GABRG1: variants seen among roughly 807,000 people sequenced by gnomAD.
GABRG1 encodes gamma-aminobutyric acid receptor subunit gamma-1.
In GABRG1, 49 loss-of-function variants were observed where a neutral mutation model predicts 49.8. The ratio of observed to expected loss-of-function variants is 0.98; its 90% CI spans 0.78 to 1.25. The LOEUF (loss-of-function observed/expected upper bound fraction) is 1.25. Among genes scored for constraint, GABRG1 ranks in the 50% most tolerant of loss-of-function variants. The pLI is 0.00. For synonymous variants in GABRG1, 232 were observed against 185.1 expected, an observed-to-expected ratio of 1.25 and a Z score of -2.06; for missense variants, 552 against 552.3, an observed-to-expected ratio of 1.00 and a Z score of 0.01.
intron 1 of GABRG1, among the ~76,000 whole-genome samples, chr4:46,123,057 G>A (rs1442922532): frequency 2.0e-5 from 3 of 146,980 alleles, no homozygotes; most frequent in South Asian, 2.2e-4. Flanking sequence ...ATTTGTGATC[G>A]GTGACACTTT....
chr4:46,038,955 T>G lies in GABRG1; in HGVS notation c.*2033A>C, dbSNP rs1211770998. 6.6e-6 allele frequency: 1 copy of G among 151,678 alleles called. No homozygotes were observed. The highest frequency in any genetic ancestry group is 2.4e-5 in the African/African-American group (1 of 41,402). 9.4% of individuals were successfully genotyped at this position (151,678 alleles called of 1,614,324 possible). A position where few individuals can be genotyped will look rare whatever the true frequency, so the allele number is the denominator to read the frequency against. ...AACGTGGTTCAGAAGGAAAAGCTATTTATATCAAGCACTTTTAAGTATTTT... is the reference window on the plus strand; with the variant it reads ...AACGTGGTTCAGAAGGAAAAGCTATGTATATCAAGCACTTTTAAGTATTTT... On this transcript the variant is annotated 3_prime_UTR_variant, in exon 9 of 9. Transcript: ENST00000295452.
In GABRG1 at chr4:46,092,048, CAG is replaced by C. The variant is rs1480643376; in HGVS notation, c.253+5151_253+5152del. On this transcript the variant is annotated intron_variant, in intron 2 of 8. Transcript: ENST00000295452. ...TTTATGAAGTTTGGAAAGGAAATAACAGGGTTTCCATATCGATTGGAAATATT... is the reference window on the plus strand; with the variant it reads ...TTTATGAAGTTTGGAAAGGAAATAACGGTTTCCATATCGATTGGAAATATT... Among the ~76,000 whole-genome samples, 3 of 151,914 alleles carry C rather than the reference CAG, an allele frequency of 2.0e-5. No homozygotes were observed. In the East Asian group the frequency reaches 5.8e-4, roughly 29 times the overall value.
intron 3 of GABRG1, among the ~76,000 whole-genome samples, chr4:46,068,743 G>A (rs1261744604): frequency 3.3e-5 from 5 of 152,036 alleles, no homozygotes; most frequent in Non-Finnish European, 5.9e-5. Flanking sequence ...TTGTATTAGT[G>A]TAATTTCCAG....
intron 7 of GABRG1, among the ~76,000 whole-genome samples, chr4:46,053,622 T>A (rs1180073608): frequency 6.6e-6 from 1 of 151,964 alleles, no homozygotes; most frequent in Non-Finnish European, 1.5e-5. Context: ...CCAGGTAGGT[T>A]TCCAAAGTGT....
chr4:46,118,927 G>A (rs1368542803), intron 1 of GABRG1, among the ~76,000 whole-genome samples: 3 of 151,234 alleles, frequency 2.0e-5, no homozygotes, highest in African/African-American at 4.8e-5. Flanking sequence ...TTTGTATTGG[G>A]AGAAAATCTT....
rs79855076 is a variant in GABRG1 at position 46,118,366 on chromosome 4, C to A, written c.104+5444G>T. On this transcript the variant is annotated intron_variant, in intron 1 of 8. Coordinates refer to ENST00000295452, the MANE Select transcript of GABRG1 (RefSeq NM_173536.4). ...CAGCTGAGAACATACAATATTTTCC[C>A]AGAGTTGCAACTGATGGCAACTTCT... Among the ~76,000 whole-genome samples the A allele has an allele frequency of 6.6e-3, 999 of 150,428 alleles. 44 individuals are homozygous for A. In the East Asian group the frequency reaches 0.12, roughly 19 times the overall value.
At chr4:46,083,962 T>C (rs1445962280) in intron 3 of GABRG1, 24 bp downstream of exon 3, 2 of 1,284,510 alleles carry the variant, frequency 1.6e-6, no homozygotes, top group South Asian at 1.3e-5. Context: ...GTGGCAGTTA[T>C]TATTTTTAAT....
chr4:46,046,523 A>G (rs1280187763), intron 8 of GABRG1, among the ~76,000 whole-genome samples: 2 of 152,236 alleles, frequency 1.3e-5, no homozygotes, highest in Non-Finnish European at 2.9e-5. Flanking sequence ...TATAAGAAAG[A>G]ATCTATAAGT....
At chr4:46,103,809 T>G (rs1192065178) in intron 1 of GABRG1, among the ~76,000 whole-genome samples, 1 of 151,330 alleles carries the variant, frequency 6.6e-6, no homozygotes, top group Non-Finnish European at 1.5e-5. Context: ...CTATTAGTGC[T>G]CATTTAGGTA....
rs115725016 is a variant in GABRG1 at position 46,096,598 on chromosome 4, G to A, written c.253+603C>T. Among the ~76,000 whole-genome samples the A allele has an allele frequency of 2.5e-3, 386 of 151,706 alleles. 1 individual carries two copies. Among genetic ancestry groups the A allele is most frequent in the African/African-American group, 8.9e-3 (371 of 41,494 alleles). The stretch of plus-strand genomic sequence containing the variant: ...TCTGATATTTTTCTCTAACCAGAAA[G>A]AAACCTGTTTTGAAGACTGTGTTTT... On this transcript the variant is annotated intron_variant, in intron 2 of 8. Transcript: ENST00000295452.
At chr4:46,060,400 G>A (rs1718629246) in intron 5 of GABRG1, among the ~76,000 whole-genome samples, 3 of 152,036 alleles carry the variant, frequency 2.0e-5, no homozygotes. Context: ...AAGCTTGAAG[G>A]AAATTACCAC....
At chr4:46,117,790 A>G (rs1020241915) in intron 1 of GABRG1, among the ~76,000 whole-genome samples, 4 of 139,872 alleles carry the variant, frequency 2.9e-5, no homozygotes, top group South Asian at 4.4e-4. Context: ...ACATGTATAT[A>G]CATATATACA....
intron 2 of GABRG1, among the ~76,000 whole-genome samples, chr4:46,089,067 C>T (rs1324230824): frequency 6.6e-6 from 1 of 151,864 alleles, no homozygotes; most frequent in African/African-American, 2.4e-5. Flanking sequence ...GGGTATAAAG[C>T]ACGCCAAAAG....
At chr4:46,085,163 G>T (rs1002498188) in intron 2 of GABRG1, among the ~76,000 whole-genome samples, 1 of 151,116 alleles carries the variant, frequency 6.6e-6, no homozygotes, top group East Asian at 1.9e-4. Context: ...AAAGCTGAAC[G>T]TTGTCTACAT....
chr4:46,069,168 C>T (rs1411937297), intron 3 of GABRG1, among the ~76,000 whole-genome samples: 1 of 152,002 alleles, frequency 6.6e-6, no homozygotes, highest in African/African-American at 2.4e-5. Context: ...GGAGAAACTT[C>T]ACAAAAAATT....
intron 4 of GABRG1, among the ~76,000 whole-genome samples, chr4:46,064,939 A>G (rs1718850255): frequency 6.6e-6 from 1 of 152,152 alleles, no homozygotes; most frequent in South Asian, 2.1e-4. Flanking sequence ...TGTTTAAGTC[A>G]ATGAGTTAAA....
At chr4:46,103,872 T>C (rs1720456952) in intron 1 of GABRG1, among the ~76,000 whole-genome samples, 1 of 151,446 alleles carries the variant, frequency 6.6e-6, no homozygotes, top group East Asian at 2.0e-4. Context: ...AGGTACCTTA[T>C]CAAAACTGAT....
chr4:46,114,728 A>G (rs1720832265), intron 1 of GABRG1, among the ~76,000 whole-genome samples: 1 of 151,058 alleles, frequency 6.6e-6, no homozygotes, highest in African/African-American at 2.4e-5. Context: ...AACATAACTA[A>G]AACTATAACT....
Position 46,041,247 on chromosome 4 carries a change from G to A in GABRG1, c.1139C>T (p.Pro380Leu). 11 of 1,612,074 alleles carry A rather than the reference G, an allele frequency of 6.8e-6. No homozygotes were observed. Among genetic ancestry groups the A allele is most frequent in the Non-Finnish European group, 8.5e-6 (10 of 1,178,842 alleles). ...CAGAGTGGATCCAGGATGGAGACCAGGAGTCATCTGAGCACAATAATAAAT... is the reference window on the plus strand; with the variant it reads ...CAGAGTGGATCCAGGATGGAGACCAAGAGTCATCTGAGCACAATAATAAAT... ...RKLKNKASMT[P>L]GLHPGSTLIP... The change falls in exon 9 of 9, where the codon CCT becomes CTT. Residue 380 changes from proline (P) to leucine (L), a missense_variant. Physicochemically the swap from Pro to Leu is moderately conservative, Grantham distance 98. Transcript: ENST00000295452.
Sources: gnomAD v4.1 joint callset for allele counts (sites outside exome capture counted in the v4.1 genomes callset) on GRCh38, gnomAD v4.1.1 for gene constraint, MANE v1.5 for transcripts, NCBI Gene and HGNC (gene_info 2026-07-23, HGNC 2026-07-21) for gene names.